Variants in MARCHF1 observed in about 807,000 individuals in gnomAD.
MARCHF1 encodes E3 ubiquitin-protein ligase MARCHF1.
Under a neutral mutation model 54.2 loss-of-function variants are expected in MARCHF1, and 40 were observed. The ratio of observed to expected loss-of-function variants is 0.74; its 90% CI spans 0.57 to 0.96. The LOEUF is 0.96. Among genes scored for constraint, MARCHF1 ranks in the 40% least tolerant of loss-of-function variants. MARCHF1 has a pLI of 0.00. For missense variants in MARCHF1, 586 were observed against 656.5 expected (o/e 0.89, Z 1.17); for synonymous variants, 236 against 236.3 (o/e 1.00, Z 0.01).
intron 5 of MARCHF1, among the ~76,000 whole-genome samples, chr4:163,646,898 TA>T (rs1742781194): frequency 6.6e-6 from 1 of 152,136 alleles, no homozygotes; most frequent in Admixed American, 6.6e-5. Context: ...ATGGCAGTAG[TA>T]AGTCTGCATC....
chr4:163,636,157 T>C (rs1742312631), intron 5 of MARCHF1, among the ~76,000 whole-genome samples: 1 of 152,142 alleles, frequency 6.6e-6, no homozygotes, highest in Non-Finnish European at 1.5e-5. Context: ...GGGAAAAAAC[T>C]GGAAGCATTC....
At chr4:163,816,638 T>C (rs1748541539) in intron 4 of MARCHF1, among the ~76,000 whole-genome samples, 1 of 152,166 alleles carries the variant, frequency 6.6e-6, no homozygotes, top group African/African-American at 2.4e-5. Context: ...TATTTGATTC[T>C]GACCACAGCC....
chr4:164,017,090 T>A (rs919361349), intron 2 of MARCHF1, among the ~76,000 whole-genome samples: 1 of 151,834 alleles, frequency 6.6e-6, no homozygotes, highest in South Asian at 2.1e-4. Context: ...ATAAGCAAAA[T>A]TGGTTTAACA....
intron 9 of MARCHF1, among the ~76,000 whole-genome samples, chr4:163,543,902 G>T (rs1415494944): frequency 6.6e-6 from 1 of 152,114 alleles, no homozygotes; most frequent in Admixed American, 6.5e-5. Context: ...CTACAAAGAG[G>T]CCAAGTGAGG....
intron 3 of MARCHF1, among the ~76,000 whole-genome samples, chr4:163,980,254 C>T (rs1302622387): frequency 2.9e-5 from 4 of 137,636 alleles, no homozygotes; most frequent in African/African-American, 1.1e-4. Flanking sequence ...CTGAGAAAAA[C>T]AAGAAATGGG....
chr4:163,901,317 T>A (rs1056653156), intron 3 of MARCHF1, among the ~76,000 whole-genome samples: 8 of 152,214 alleles, frequency 5.3e-5, no homozygotes, highest in African/African-American at 1.9e-4. Context: ...ATAGTAGTTA[T>A]TAGTAGCAGG....
chr4:164,373,352 CTTT>C (rs5863683), intron 1 of MARCHF1, among the ~76,000 whole-genome samples: 19 of 91,616 alleles, frequency 2.1e-4, no homozygotes, highest in Non-Finnish European at 8.0e-5. Flanking sequence ...TGAAAAACTA[CTTT>C]TTTTTTTTTT....
chr4:163,615,141 G>A (rs1365123178), intron 5 of MARCHF1, among the ~76,000 whole-genome samples: 2 of 152,086 alleles, frequency 1.3e-5, no homozygotes, highest in Non-Finnish European at 2.9e-5. Flanking sequence ...GTATTCTGGT[G>A]GTGGCTCTGC....
At position 163,799,400 on chromosome 4, in the gene MARCHF1, T is replaced by C. The variant is rs370537736; in HGVS notation, c.111+54621A>G. On this transcript the variant is annotated intron_variant, in intron 4 of 9. Coordinates refer to ENST00000514618, the MANE Select transcript of MARCHF1 (RefSeq NM_001394959.1). ...TTATAGCAAGCTTGCTAAAAGTGTTTAGCGTACTATTTAAAAAGTTAATAT... is the reference window on the plus strand; with the variant it reads ...TTATAGCAAGCTTGCTAAAAGTGTTCAGCGTACTATTTAAAAAGTTAATAT... Among the ~76,000 whole-genome samples the C allele has an allele frequency of 5.3e-5, 8 of 152,304 alleles. No homozygotes were observed. The South Asian group carries it at 1.2e-3, about 24-fold the overall frequency.
At chr4:163,898,818 A>T (rs1750874636) in intron 3 of MARCHF1, among the ~76,000 whole-genome samples, 1 of 152,164 alleles carries the variant, frequency 6.6e-6, no homozygotes, top group South Asian at 2.1e-4. Flanking sequence ...GGATAAAGAA[A>T]ATGCGGTATA....
chr4:163,788,366 A>T (rs1044643784), intron 4 of MARCHF1, among the ~76,000 whole-genome samples: 5 of 152,018 alleles, frequency 3.3e-5, no homozygotes, highest in African/African-American at 1.2e-4. Context: ...TAACATTGGT[A>T]TCATATTAAC....
intron 1 of MARCHF1, among the ~76,000 whole-genome samples, chr4:164,272,709 TAGTG>T (rs1269734595): frequency 2.2e-4 from 34 of 152,056 alleles, no homozygotes; most frequent in African/African-American, 7.9e-4. Context: ...TTAAGTCAGG[TAGTG>T]AGTATTAGCA....
At chr4:163,740,486 T>C (rs918116934) in intron 4 of MARCHF1, among the ~76,000 whole-genome samples, 1 of 152,194 alleles carries the variant, frequency 6.6e-6, no homozygotes, top group African/African-American at 2.4e-5. Flanking sequence ...TGGTTCTTCA[T>C]GGCCCAATCA....
intron 5 of MARCHF1, among the ~76,000 whole-genome samples, chr4:163,621,306 C>T (rs183781731): frequency 2.7e-3 from 410 of 152,196 alleles, no homozygotes; most frequent in Non-Finnish European, 4.6e-3. Context: ...ATAAGAATTG[C>T]TGGGAAGTTT....
intron 3 of MARCHF1, among the ~76,000 whole-genome samples, chr4:163,930,073 T>C (rs1466333451): frequency 1.4e-5 from 2 of 145,094 alleles, no homozygotes; most frequent in Non-Finnish European, 3.0e-5. Context: ...GATTATGGCA[T>C]ACCAGCCATG....
At chr4:163,978,683 T>TC (rs1752697280) in intron 3 of MARCHF1, among the ~76,000 whole-genome samples, 2 of 152,084 alleles carry the variant, frequency 1.3e-5, no homozygotes, top group Non-Finnish European at 2.9e-5. Context: ...ATATAAGTGA[T>TC]TCCTGGGGAT....
chr4:163,930,418 T>G (rs1751644902), intron 3 of MARCHF1, among the ~76,000 whole-genome samples: 1 of 151,318 alleles, frequency 6.6e-6, no homozygotes, highest in African/African-American at 2.4e-5. Flanking sequence ...GAGGTCCAGG[T>G]GAGGATGTTA....
chr4:163,754,847 G>A lies in MARCHF1; in HGVS notation c.112-53984C>T, dbSNP rs187342321. On this transcript the variant is annotated intron_variant, in intron 4 of 9. Coordinates refer to ENST00000514618, the MANE Select transcript of MARCHF1 (RefSeq NM_001394959.1). ...ACAGACAAAGTAAGTTAAAACACGG[G>A]ACCCTGAAGGCAAATAGAAAAGGAA... is the stretch of plus-strand genomic sequence containing the variant. 2.6e-3 allele frequency among the ~76,000 whole-genome samples: 388 copies of A among 152,152 alleles called. 3 individuals are homozygous for A. Among genetic ancestry groups the A allele is most frequent in the Non-Finnish European group, 3.2e-3 (218 of 67,998 alleles).
chr4:164,329,225 G>A (rs1409471659), intron 1 of MARCHF1, among the ~76,000 whole-genome samples: 1 of 152,098 alleles, frequency 6.6e-6, no homozygotes. Context: ...TGACCTCCAC[G>A]ACAACCTTTT....
Sources: gnomAD v4.1 joint callset for allele counts (sites outside exome capture counted in the v4.1 genomes callset) on GRCh38, gnomAD v4.1.1 for gene constraint, MANE v1.5 for transcripts, NCBI Gene and HGNC (gene_info 2026-07-23, HGNC 2026-07-21) for gene names.